Variants in FAM114A2 observed in about 807,000 individuals in gnomAD.
The protein encoded by FAM114A2 is protein FAM114A2.
A neutral mutation model predicts 58.4 loss-of-function variants in FAM114A2; 53 were observed. The ratio of observed to expected loss-of-function variants is 0.91; its 90% CI spans 0.73 to 1.14. The LOEUF is 1.14. Ranked by LOEUF, FAM114A2 falls within the 50% of genes most tolerant of loss-of-function variation. The probability of loss-of-function intolerance (pLI) is 0.00; values close to 1 mark genes in which losing one functional copy is unlikely to be tolerated. For missense variants in FAM114A2, 601 were observed against 581.1 expected, an observed-to-expected ratio of 1.03 and a Z score of -0.35; for synonymous variants, 228 against 211.4, an observed-to-expected ratio of 1.08 and a Z score of -0.68.
chr5:154,030,616 G>A (rs144996715), intron 4 of FAM114A2, among the ~76,000 whole-genome samples: 3 of 152,234 alleles, frequency 2.0e-5, no homozygotes, highest in Non-Finnish European at 4.4e-5. Context: ...CAATCAGTTT[G>A]AGTGGAAGAA....
chr5:154,013,269 C>A (rs999858884), intron 8 of FAM114A2, among the ~76,000 whole-genome samples: 1 of 152,236 alleles, frequency 6.6e-6, no homozygotes, highest in East Asian at 1.9e-4. Context: ...CTGGAAGACT[C>A]CTTCTGAAAA....
chr5:154,003,367 C>T lies in FAM114A2; in HGVS notation c.994-398G>A, dbSNP rs186951511. 5.6e-4 allele frequency among the ~76,000 whole-genome samples: 85 copies of T among 151,962 alleles called. 2 individuals are homozygous for T. In the Middle Eastern group the frequency reaches 0.02, roughly 36 times the overall value. ...CTAATTTTTGTATTTTTAGTAGAGA[C>T]GGGGTTTCGCCAGGTTGACCAAGCT... On this transcript the variant is annotated intron_variant, in intron 9 of 13. Coordinates refer to ENST00000351797, the MANE Select transcript of FAM114A2 (RefSeq NM_018691.4).
chr5:154,002,432 T>C lies in FAM114A2; in HGVS notation c.1117-42A>G, dbSNP rs749806938. On this transcript the variant is annotated intron_variant, in intron 10 of 13. Coordinates refer to ENST00000351797, the MANE Select transcript of FAM114A2 (RefSeq NM_018691.4). Reference sequence around the variant, plus strand: ...AACAAAGCATAGCAAAACAAAACATTTGGTGGAAAGATACCACCTTACTTC... The same window carrying C: ...AACAAAGCATAGCAAAACAAAACATCTGGTGGAAAGATACCACCTTACTTC... The C allele has an allele frequency of 5.6e-6, 9 of 1,601,428 alleles. 1 individual carries two copies. Among genetic ancestry groups the C allele is most frequent in the South Asian group, 5.5e-5 (5 of 90,774 alleles).
intron 13 of FAM114A2, 64 bp downstream of exon 13, chr5:153,994,855 G>C: frequency 9.5e-7 from 1 of 1,057,352 alleles, no homozygotes; most frequent in Non-Finnish European, 1.5e-6. Flanking sequence ...AAAAGCAAAA[G>C]GCTTCAGAAG....
At chr5:154,020,412 CAAAGA>C (rs769951705) in intron 8 of FAM114A2, among the ~76,000 whole-genome samples, 7 of 151,098 alleles carry the variant, frequency 4.6e-5, no homozygotes, top group Admixed American at 1.3e-4. Context: ...GCGAGACTAA[CAAAGA>C]AGAGAGAAGA....
Position 153,997,893 on chromosome 5 carries a change from A to G in FAM114A2, c.1257-18T>C. On this transcript the variant is annotated intron_variant, in intron 11 of 13. Coordinates refer to ENST00000351797, the MANE Select transcript of FAM114A2 (RefSeq NM_018691.4). Reference sequence around the variant, plus strand: ...TTGTCATCCTAGGAAAGAAAGGAAAAGTCAGAAACGTTTTTTCTTTTTTTA... The same window carrying G: ...TTGTCATCCTAGGAAAGAAAGGAAAGGTCAGAAACGTTTTTTCTTTTTTTA... The G allele has an allele frequency of 6.7e-7, 1 of 1,497,610 alleles. No homozygotes were observed. Among genetic ancestry groups the G allele is most frequent in the Non-Finnish European group, 9.2e-7 (1 of 1,087,640 alleles). 92.8% of individuals were successfully genotyped at this position (1,497,610 alleles called of 1,614,324 possible).
At chr5:153,998,027 T>C (rs866819938) in intron 11 of FAM114A2, 152 bp from the exon 12 acceptor site, 7 of 492,296 alleles carry the variant, frequency 1.4e-5, no homozygotes, top group Middle Eastern at 5.1e-4. Context: ...CCCCCCCTTA[T>C]CTGTGGTTTC....
At chr5:154,031,327 A>AAAAAAAAAAAAAAAC (rs1772182138) in intron 4 of FAM114A2, among the ~76,000 whole-genome samples, 1 of 150,858 alleles carries the variant, frequency 6.6e-6, no homozygotes, top group African/African-American at 2.4e-5. Flanking sequence ...AAAAAAAAAA[A>AAAAAAAAAAAAAAAC]AGCCTTAAAG....
intron 11 of FAM114A2, among the ~76,000 whole-genome samples, chr5:154,000,897 A>G (rs906161146): frequency 6.6e-6 from 1 of 152,220 alleles, no homozygotes; most frequent in African/African-American, 2.4e-5. Context: ...GTTCTTAATA[A>G]TAGTTATTAG....
chr5:154,026,368 T>C, intron 8 of FAM114A2, 31 bp downstream of exon 8: 1 of 1,510,106 alleles, frequency 6.6e-7, no homozygotes, highest in Non-Finnish European at 8.9e-7. Context: ...CACTGCATCC[T>C]CTCCACTCAG....
chr5:154,011,372 T>C (rs1770687330), intron 8 of FAM114A2, 52 bp from the exon 9 acceptor site: 2 of 1,284,068 alleles, frequency 1.6e-6, no homozygotes, highest in Non-Finnish European at 2.3e-6. Flanking sequence ...CTGAGGATCA[T>C]GAGGTGGCAG....
chr5:154,030,865 G>C (rs747973806), intron 4 of FAM114A2, among the ~76,000 whole-genome samples: 9 of 152,222 alleles, frequency 5.9e-5, no homozygotes, highest in Non-Finnish European at 1.0e-4. Context: ...GCTAGGCTGA[G>C]AGACATTTGA....
intron 9 of FAM114A2, among the ~76,000 whole-genome samples, chr5:154,007,619 C>CA (rs1472581305): frequency 3.3e-5 from 5 of 152,136 alleles, no homozygotes; most frequent in Non-Finnish European, 7.4e-5. Flanking sequence ...ACTGGCCTTA[C>CA]AAAAATACGT....
chr5:153,996,590 CCTA>C (rs1182601404), intron 12 of FAM114A2, among the ~76,000 whole-genome samples: 4 of 150,104 alleles, frequency 2.7e-5, no homozygotes, highest in African/African-American at 9.8e-5. Context: ...AAAAAAATCT[CCTA>C]CAAGTAATAA....
intron 6 of FAM114A2, among the ~76,000 whole-genome samples, chr5:154,027,905 G>T (rs1420886613): frequency 6.6e-6 from 1 of 152,124 alleles, no homozygotes; most frequent in Non-Finnish European, 1.5e-5. Context: ...AAAAAACCCT[G>T]ACAGGGTTTA....
At position 153,995,475 on chromosome 5, in the gene FAM114A2, A is replaced by G. The variant is rs61619577; in HGVS notation, c.1330-503T>C. Among the ~76,000 whole-genome samples, 1,008 of 152,266 alleles carry G rather than the reference A, an allele frequency of 6.6e-3. 36 individuals carry two copies. In the East Asian group the frequency reaches 0.12, roughly 17 times the overall value. Reference sequence around the variant, plus strand: ...TTCAGGAAACCCAGATCCTTTTGTCAAGAAAATACTACAGGGAAAAGTGAA... The same window carrying G: ...TTCAGGAAACCCAGATCCTTTTGTCGAGAAAATACTACAGGGAAAAGTGAA... On this transcript the variant is annotated intron_variant, in intron 12 of 13. Transcript: ENST00000351797.
At position 154,002,851 on chromosome 5, in the gene FAM114A2, A is replaced by G. The variant is rs1770082018; in HGVS notation, c.1112T>C (p.Ile371Thr). 6.2e-6 allele frequency: 10 copies of G among 1,614,014 alleles called. No homozygotes were observed. The highest frequency in any genetic ancestry group is 1.3e-5 in the African/African-American group (1 of 75,032). Residue 371 changes from isoleucine (I) to threonine (T), a missense_variant, in exon 10 of 14, where the codon ATA becomes ACA. Ile to Thr is a moderately conservative substitution (Grantham distance 89). Transcript: ENST00000351797. ...AGGCTTAGTTGCTTTGGCTACCTCT[A>G]TTGAATTTTTGTTGACTTGCTCAGT... ...ENTEQVNKNS[I>T]EDIHAFAIRS...
In FAM114A2 at chr5:153,990,275, C is replaced by T. The variant is rs946689785; in HGVS notation, c.*2701G>A. On this transcript the variant is annotated 3_prime_UTR_variant, in exon 14 of 14. Transcript: ENST00000351797. ...TCTCAAATGGAGATATCAATAGCAA[C>T]TACCTATAAAATAGCTCTCCCTCAA... is the stretch of plus-strand genomic sequence containing the variant. 3.3e-5 allele frequency: 5 copies of T among 152,096 alleles called. No homozygotes were observed. The highest frequency in any genetic ancestry group is 4.4e-5 in the Non-Finnish European group (3 of 68,014). The allele number at this position is 152,096 out of a possible 1,614,324, so 9.4% of individuals were successfully genotyped here. A position where few individuals can be genotyped will look rare whatever the true frequency, so the allele number is the denominator to read the frequency against.
intron 8 of FAM114A2, among the ~76,000 whole-genome samples, chr5:154,016,333 G>C (rs1771039113): frequency 6.6e-6 from 1 of 152,094 alleles, no homozygotes. Flanking sequence ...CTAAAGTTAA[G>C]ACAAGGGAAA....
Sources: gnomAD v4.1 joint callset for allele counts (sites outside exome capture counted in the v4.1 genomes callset) on GRCh38, gnomAD v4.1.1 for gene constraint, MANE v1.5 for transcripts, NCBI Gene and HGNC (gene_info 2026-07-23, HGNC 2026-07-21) for gene names.